The following RBKS variants were observed in gnomAD, a reference collection of about 807,000 sequenced individuals.
RBKS encodes ribokinase.
A neutral mutation model predicts 33.9 loss-of-function variants in RBKS; 33 were observed. The observed-to-expected ratio is 0.97, with a 90% CI of 0.74 to 1.30. The LOEUF (loss-of-function observed/expected upper bound fraction) is 1.30, where lower values mean the gene tolerates loss of function less well. Ranked by LOEUF, RBKS falls within the 50% of genes most tolerant of loss-of-function variation. The pLI, the probability that RBKS is intolerant of heterozygous loss-of-function variation, is 0.00. For synonymous variants in RBKS, 125 were observed against 143.0 expected (o/e 0.87, Z 0.90); for missense variants, 361 against 392.6 (o/e 0.92, Z 0.68).
chr2:27,853,177 G>C (rs1663785904), intron 2 of RBKS, among the ~76,000 whole-genome samples: 1 of 151,918 alleles, frequency 6.6e-6, no homozygotes, highest in Admixed American at 6.6e-5. Context: ...ACCAGCCTCA[G>C]CAACACAGCA....
Position 27,801,963 on chromosome 2 carries a change from A to AT in RBKS, c.796-20176_796-20175insA, listed in dbSNP as rs1553375157. ...CGAGTAGCTGGGGAAAAAAAAAAAA[A>AT]ATATATATATATATATATATATATA... On this transcript the variant is annotated intron_variant, in intron 7 of 7. Transcript: ENST00000302188. Among the ~76,000 whole-genome samples, 272 of 47,544 alleles carry AT rather than the reference A, an allele frequency of 5.7e-3. 1 individual carries two copies. Among genetic ancestry groups the AT allele is most frequent in the African/African-American group, 7.7e-3 (94 of 12,284 alleles). The allele number at this position is 47,544 out of a possible 152,430, so 31.2% of individuals were successfully genotyped here.
chr2:27,879,595 T>A (rs1314812060), intron 1 of RBKS, among the ~76,000 whole-genome samples: 1 of 152,126 alleles, frequency 6.6e-6, no homozygotes, highest in Non-Finnish European at 1.5e-5. Context: ...CTCTCCATTG[T>A]GGAGAGAACC....
At chr2:27,789,867 GATGT>G (rs1476997145) in intron 7 of RBKS, among the ~76,000 whole-genome samples, 4 of 138,052 alleles carry the variant, frequency 2.9e-5, no homozygotes, top group African/African-American at 8.8e-5. Flanking sequence ...CTGGCCAGCT[GATGT>G]GTGTGTGTGT....
intron 7 of RBKS, 89 bp downstream of exon 7, chr2:27,827,478 A>T: frequency 8.2e-7 from 1 of 1,213,050 alleles, no homozygotes; most frequent in Non-Finnish European, 1.1e-6. Flanking sequence ...GCTTTGTTTC[A>T]TTATCCAAAA....
intron 6 of RBKS, among the ~76,000 whole-genome samples, chr2:27,828,914 A>G (rs146330196): frequency 1.3e-5 from 2 of 152,138 alleles, no homozygotes; most frequent in East Asian, 1.9e-4. Flanking sequence ...TTATTTAGAG[A>G]TAGTATCTTG....
Position 27,781,459 on chromosome 2 carries a change from C to T in RBKS, c.*156G>A, listed in dbSNP as rs774809593. 3.2e-5 allele frequency: 19 copies of T among 598,318 alleles called. No individual in the cohort carries two copies. The highest frequency in any genetic ancestry group is 4.5e-4 in the Middle Eastern group (1 of 2,218). The allele number at this position is 598,318 out of a possible 1,614,324, so 37.1% of individuals were successfully genotyped here. ...AATGCATGGAAAGCAAAAGAATCAT[C>T]GTTATAAATAAATTGAAGCTTGAGG... On this transcript the variant is annotated 3_prime_UTR_variant, in exon 8 of 8. Transcript: ENST00000302188.
At chr2:27,884,238 C>T (rs1459737577) in intron 1 of RBKS, among the ~76,000 whole-genome samples, 1 of 152,126 alleles carries the variant, frequency 6.6e-6, no homozygotes, top group African/African-American at 2.4e-5. Context: ...TTGATAGGTA[C>T]AGTATAACTC....
intron 7 of RBKS, among the ~76,000 whole-genome samples, chr2:27,798,804 C>T (rs1573036274): frequency 6.6e-6 from 1 of 152,204 alleles, no homozygotes; most frequent in Non-Finnish European, 1.5e-5. Context: ...GGAGACACCT[C>T]GGCTTGGACT....
chr2:27,799,063 C>A (rs1677722417), intron 7 of RBKS, among the ~76,000 whole-genome samples: 1 of 152,162 alleles, frequency 6.6e-6, no homozygotes, highest in South Asian at 2.1e-4. Flanking sequence ...GAACCAAGAA[C>A]TGTCAGGAGG....
intron 7 of RBKS, among the ~76,000 whole-genome samples, chr2:27,805,558 T>C (rs573111496): frequency 1.3e-5 from 2 of 152,258 alleles, no homozygotes; most frequent in South Asian, 4.1e-4. Flanking sequence ...AAAACTGATA[T>C]ATTTTTCTTT....
chr2:27,783,002 T>C (rs1468433697), intron 7 of RBKS, among the ~76,000 whole-genome samples: 1 of 152,240 alleles, frequency 6.6e-6, no homozygotes, highest in Non-Finnish European at 1.5e-5. Flanking sequence ...TCATGGTTGT[T>C]TTATTCTTTG....
At chr2:27,844,647 T>C (rs1399994209) in intron 4 of RBKS, among the ~76,000 whole-genome samples, 1 of 152,178 alleles carries the variant, frequency 6.6e-6, no homozygotes, top group East Asian at 1.9e-4. Flanking sequence ...TCTACCCGCC[T>C]TGGCCTCCCA....
At chr2:27,822,360 G>C (rs944408910) in intron 7 of RBKS, among the ~76,000 whole-genome samples, 1 of 152,178 alleles carries the variant, frequency 6.6e-6, no homozygotes, top group Non-Finnish European at 1.5e-5. Context: ...TGGAGGAAAG[G>C]TCACACCAAG....
intron 7 of RBKS, 103 bp from the exon 8 acceptor site, chr2:27,781,891 T>A: frequency 9.3e-7 from 1 of 1,071,320 alleles, no homozygotes; most frequent in East Asian, 2.7e-5. Flanking sequence ...AGTTTTAGAT[T>A]TACAGAAAAG....
chr2:27,843,838 C>A (rs1663563966), intron 4 of RBKS, among the ~76,000 whole-genome samples: 1 of 152,174 alleles, frequency 6.6e-6, no homozygotes, highest in Admixed American at 6.5e-5. Context: ...GACCTGCTGT[C>A]TATAATCCCA....
At chr2:27,879,164 T>C (rs1380961547) in intron 1 of RBKS, among the ~76,000 whole-genome samples, 3 of 152,190 alleles carry the variant, frequency 2.0e-5, no homozygotes, top group Admixed American at 6.5e-5. Context: ...TTTTGAAAAT[T>C]TGGCTCGGGG....
At chr2:27,883,401 G>A (rs561120533) in intron 1 of RBKS, among the ~76,000 whole-genome samples, 1 of 151,946 alleles carries the variant, frequency 6.6e-6, no homozygotes, top group Non-Finnish European at 1.5e-5. Context: ...GGGTTTCACC[G>A]TATTAGCCAG....
chr2:27,862,630 T>C (rs147276549), intron 1 of RBKS, among the ~76,000 whole-genome samples: 1 of 152,224 alleles, frequency 6.6e-6, no homozygotes, highest in East Asian at 1.9e-4. Flanking sequence ...AACTTGCAAA[T>C]GTCAAATACC....
intron 5 of RBKS, among the ~76,000 whole-genome samples, chr2:27,842,658 TC>T (rs1410206823): frequency 6.6e-6 from 1 of 151,664 alleles, no homozygotes; most frequent in Admixed American, 6.6e-5. Context: ...ATTCAGGAAT[TC>T]TTTTTTTTTT....
Sources: allele counts gnomAD v4.1 joint callset (sites outside exome capture counted in the v4.1 genomes callset), GRCh38; gene constraint gnomAD v4.1.1; transcripts MANE v1.5; gene names NCBI Gene and HGNC (gene_info 2026-07-23, HGNC 2026-07-21).